Variants in LYST observed in about 807,000 individuals in gnomAD.
LYST encodes lysosomal-trafficking regulator.
Under a neutral mutation model 413.6 loss-of-function variants are expected in LYST, and 192 were observed. The observed-to-expected ratio is 0.46, with a 90% CI of 0.41 to 0.52. LYST has a LOEUF of 0.52. Ranked by LOEUF, LYST falls within the 20% of genes least tolerant of loss-of-function variation. The pLI is 0.00. For missense variants in LYST, 3,815 were observed against 4,499.9 expected (o/e 0.85, Z 4.35); for synonymous variants, 1,525 against 1,567.3 (o/e 0.97, Z 0.64).
At chr1:235,747,320 T>A (rs891960389) in intron 28 of LYST, 2 of 432,728 alleles carry the variant, frequency 4.6e-6, no homozygotes, top group Non-Finnish European at 9.3e-6. Context: ...GAACCCTTCA[T>A]TGGAATTGAA....
At chr1:235,857,232 T>C (rs1005749103) in intron 1 of LYST, among the ~76,000 whole-genome samples, 12 of 152,130 alleles carry the variant, frequency 7.9e-5, no homozygotes, top group Non-Finnish European at 1.0e-4. Flanking sequence ...CAGTGATAAG[T>C]AACCAGAGAA....
intron 17 of LYST, among the ~76,000 whole-genome samples, chr1:235,775,593 CAAAG>C (rs1053238395): frequency 1.3e-5 from 2 of 152,088 alleles, no homozygotes; most frequent in Non-Finnish European, 2.9e-5. Flanking sequence ...TGCTAAAGGC[CAAAG>C]AAGAATGAGA....
At position 235,828,257 on chromosome 1, in the gene LYST, T is replaced by TAGGGGTAGGGGAATGGA. The variant is rs1259724262; in HGVS notation, c.192+1952_192+1968dup. The TAGGGGTAGGGGAATGGA allele has an allele frequency of 3.7e-5, 22 of 592,018 alleles. 1 individual carries two copies. The African/African-American group carries it at 4.4e-4, about 12-fold the overall frequency. The allele number at this position is 592,018 out of a possible 1,614,324, so 36.7% of individuals were successfully genotyped here. On this transcript the variant is annotated intron_variant, in intron 3 of 52. Transcript: ENST00000389793. ...GATAGAAAGTAGATTAGTGTTTGCT[T>TAGGGGTAGGGGAATGGA]AGGGGTAGGGGAATGGAAGGGATAG...
chr1:235,794,391 C>T (rs1671341419), intron 10 of LYST, among the ~76,000 whole-genome samples: 1 of 151,908 alleles, frequency 6.6e-6, no homozygotes, highest in Admixed American at 6.6e-5. Flanking sequence ...TTCTTTATTC[C>T]ATCATAGGTT....
chr1:235,775,416 T>TA (rs1669136077), intron 17 of LYST, among the ~76,000 whole-genome samples: 1 of 152,058 alleles, frequency 6.6e-6, no homozygotes, highest in Admixed American at 6.5e-5. Context: ...GTAAGGGAGA[T>TA]AAAAAGAAGT....
chr1:235,804,454 G>A (rs1278945378), intron 7 of LYST, 50 bp downstream of exon 7: 14 of 1,444,060 alleles, frequency 9.7e-6, no homozygotes, highest in East Asian at 9.1e-5. Flanking sequence ...CCACACTTCC[G>A]CCTCTGCTGG....
chr1:235,728,193 T>A, intron 37 of LYST, 62 bp from the exon 38 acceptor site: 1 of 1,151,098 alleles, frequency 8.7e-7, no homozygotes, highest in Non-Finnish European at 1.3e-6. Context: ...ATTCATGGTT[T>A]AATGCATGGT....
At position 235,770,265 on chromosome 1, in the gene LYST, T is replaced by C; in HGVS notation, c.5817A>G (p.Leu1939=). The C allele has an allele frequency of 1.9e-6, 3 of 1,613,688 alleles. No individual in the cohort carries two copies. Among genetic ancestry groups the C allele is most frequent in the East Asian group, 2.2e-5 (1 of 44,846 alleles). ...QGVWETLLAA[L]EVLIRADHHQ... is the part of the protein sequence containing the mutation. ...GGTGATCTGCTCTGATGAGGACTTC[T>C]AGAGCTGCTAGCAAAGTTTCCCAAA... The change falls in exon 20 of 53, where the codon CTA becomes CTG. Residue 1939 remains leucine (L), a synonymous_variant. Transcript: ENST00000389793.
At position 235,854,922 on chromosome 1, in the gene LYST, C is replaced by A. The variant is rs1050476997; in HGVS notation, c.-98+11921G>T. On this transcript the variant is annotated intron_variant, in intron 1 of 52. Transcript: ENST00000389793. This position sits in a 1 kb window ranked among gnomAD's most constrained non-coding sequence, Gnocchi z 4.1. ...TCATATCCCTTGGAATGACAAATGTCACTCCAATTCATAGGGAAGAAGATC... is the reference window on the plus strand; with the variant it reads ...TCATATCCCTTGGAATGACAAATGTAACTCCAATTCATAGGGAAGAAGATC... Among the ~76,000 whole-genome samples the A allele has an allele frequency of 6.6e-6, 1 of 152,150 alleles. No homozygotes were observed. Among genetic ancestry groups the A allele is most frequent in the African/African-American group, 2.4e-5 (1 of 41,434 alleles).
intron 42 of LYST, among the ~76,000 whole-genome samples, chr1:235,714,796 T>C (rs1572054734): frequency 6.6e-6 from 1 of 152,352 alleles, no homozygotes; most frequent in East Asian, 1.9e-4. Flanking sequence ...ACCTCAATAA[T>C]GTACTTGCCT....
intron 1 of LYST, among the ~76,000 whole-genome samples, chr1:235,857,706 C>T (rs1305450727): frequency 2.1e-5 from 3 of 141,618 alleles, no homozygotes; most frequent in Admixed American, 6.9e-5. Flanking sequence ...TATATATATA[C>T]ACACACACAC....
intron 48 of LYST, among the ~76,000 whole-genome samples, chr1:235,680,626 C>A (rs1254292545): frequency 6.7e-6 from 1 of 149,224 alleles, no homozygotes; most frequent in East Asian, 2.0e-4. Flanking sequence ...GAGATGAAGT[C>A]TTGCTCTTGC....
At chr1:235,827,938 C>T (rs1227447534) in intron 3 of LYST, 3 of 479,600 alleles carry the variant, frequency 6.3e-6, no homozygotes, top group Non-Finnish European at 8.1e-6. Context: ...AAATAAATAA[C>T]CTGACCTTAA....
intron 1 of LYST, among the ~76,000 whole-genome samples, chr1:235,862,186 A>C (rs766489249): frequency 5.3e-5 from 8 of 152,238 alleles, no homozygotes; most frequent in African/African-American, 1.9e-4. Context: ...GACATAAGGA[A>C]GTCCCATCTG....
rs767977915 is a variant in LYST at position 235,757,385 on chromosome 1, G to T, written c.6955C>A (p.Pro2319Thr). The T allele has an allele frequency of 1.2e-6, 2 of 1,613,270 alleles. No individual in the cohort carries two copies. The highest frequency in any genetic ancestry group is 1.7e-6 in the Non-Finnish European group (2 of 1,179,578). ...ATCACATCTTCAAGCAAAACATCAG[G>T]CAGGATAAGAAGAACCCCACTTAGG... is the stretch of plus-strand genomic sequence containing the variant. ...ELLSGVLLILPDVLLEDVMDK... is the reference protein window; with the variant it reads ...ELLSGVLLILTDVLLEDVMDK... The change falls in exon 24 of 53, where the codon CCT (proline) becomes ACT (threonine). Residue 2319 changes from proline to threonine, a missense_variant. Pro to Thr is a conservative substitution (Grantham distance 38, BLOSUM62 -1). Around this residue, in one of 4 missense-constraint regions of LYST, gnomAD observed 771 missense variants for 837.1 expected, o/e 0.92. Coordinates refer to ENST00000389793, the MANE Select transcript of LYST (RefSeq NM_000081.4).
intron 34 of LYST, among the ~76,000 whole-genome samples, chr1:235,732,447 G>A (rs901995491): frequency 6.6e-6 from 1 of 152,116 alleles, no homozygotes; most frequent in East Asian, 1.9e-4. Flanking sequence ...GACTACAGGT[G>A]TGAGCCACTG....
chr1:235,853,012 A>G (rs1678724051), intron 1 of LYST: 1 of 170,450 alleles, frequency 5.9e-6, no homozygotes, highest in South Asian at 2.0e-4. Flanking sequence ...AACTGTAACT[A>G]GACGGTTTTC....
chr1:235,826,088 C>G (rs1406213507), intron 3 of LYST, among the ~76,000 whole-genome samples: 1 of 152,128 alleles, frequency 6.6e-6, no homozygotes, highest in Non-Finnish European at 1.5e-5. Flanking sequence ...CAATGAGATA[C>G]TACTTCATAT....
In LYST at chr1:235,682,057, T is replaced by C. The variant is rs538644165; in HGVS notation, c.10801-4438A>G. ...TTTAACATGTGGCTCACGTCTGTAA[T>C]GCAAGCACTTTGGGAGGCTGAGGCA... is the stretch of plus-strand genomic sequence containing the variant. On this transcript the variant is annotated intron_variant, in intron 48 of 52. Transcript: ENST00000389793. Among the ~76,000 whole-genome samples, 13 of 152,302 alleles carry C rather than the reference T, an allele frequency of 8.5e-5. No homozygotes were observed. The South Asian group carries it at 2.7e-3, about 32-fold the overall frequency.
Sources: gnomAD v4.1 joint callset for allele counts (sites outside exome capture counted in the v4.1 genomes callset) on GRCh38, gnomAD v4.1.1 for gene constraint, gnomAD v4.1.1 regional missense constraint, Gnocchi (gnomAD v3.1) non-coding constraint, MANE v1.5 for transcripts, NCBI Gene and HGNC (gene_info 2026-07-23, HGNC 2026-07-21) for gene names.